The following AK2 variants were observed in gnomAD, a reference collection of about 807,000 sequenced individuals.
AK2 encodes the protein adenylate kinase 2, also known as adenylate kinase 2, mitochondrial.
In AK2, 15 loss-of-function variants were observed where a neutral mutation model predicts 24.6. That is an observed-to-expected ratio of 0.61 (90% CI 0.41 to 0.94). The LOEUF (loss-of-function observed/expected upper bound fraction) is 0.94. AK2 is among the 40% of genes least tolerant of loss of function. The pLI is 0.00. For missense variants in AK2, 257 were observed against 304.1 expected (o/e 0.85, Z 1.15); for synonymous variants, 102 against 114.0 (o/e 0.90, Z 0.67).
intron 4 of AK2, among the ~76,000 whole-genome samples, chr1:33,014,801 A>G (rs1639078448): frequency 6.6e-6 from 1 of 152,218 alleles, no homozygotes; most frequent in Admixed American, 6.5e-5. Context: ...AAACATTATT[A>G]TGAGTATCTG....
intron 1 of AK2, chr1:33,032,500 C>T (rs1207400970): frequency 6.6e-6 from 1 of 152,104 alleles, no homozygotes; most frequent in Non-Finnish European, 1.5e-5. Context: ...CACGGGGTAA[C>T]GAAACAGTAG....
chr1:33,035,519 G>A (rs1569763441), intron 1 of AK2, among the ~76,000 whole-genome samples: 2 of 152,298 alleles, frequency 1.3e-5, no homozygotes, highest in African/African-American at 4.8e-5. Flanking sequence ...TCATTTGGGA[G>A]CTCAGACTTC....
rs1424196568 is a variant in AK2 at position 33,008,382 on chromosome 1, T to C, written c.*4799A>G. 4.4e-6 allele frequency: 2 copies of C among 454,106 alleles called. No homozygotes were observed. Among genetic ancestry groups the C allele is most frequent in the East Asian group, 1.4e-4 (2 of 14,396 alleles). The allele number at this position is 454,106 out of a possible 1,614,324, so 28.1% of individuals were successfully genotyped here. The stretch of plus-strand genomic sequence containing the variant: ...CTTGTGAGGCTTCTGAGGAGGCTGC[T>C]CTCCATCCTGCTGTGTTCTGTCAGT... On this transcript the variant is annotated 3_prime_UTR_variant, in exon 6 of 6. Coordinates refer to ENST00000672715, the MANE Select transcript of AK2 (RefSeq NM_001625.4).
intron 1 of AK2, chr1:33,031,557 T>G (rs115480196): frequency 0.01 from 4,711 of 455,924 alleles, 40 homozygotes; most frequent in Middle Eastern, 0.022. Flanking sequence ...GGGCAGTAGA[T>G]AGCAGCAGAA....
At position 33,008,965 on chromosome 1, in the gene AK2, G is replaced by C; in HGVS notation, c.*4216C>G. ...GACAAACATTTCCCCACAATTAGAT[G>C]CATGATGACCAAGGGAGGAAAGAAA... On this transcript the variant is annotated 3_prime_UTR_variant, in exon 6 of 6. Coordinates refer to ENST00000672715, the MANE Select transcript of AK2 (RefSeq NM_001625.4). The C allele has an allele frequency of 2.2e-6, 1 of 454,082 alleles. No homozygotes were observed. The highest frequency in any genetic ancestry group is 4.4e-6 in the Non-Finnish European group (1 of 226,794). 28.1% of individuals were successfully genotyped at this position (454,082 alleles called of 1,614,324 possible). A position where few individuals can be genotyped will look rare whatever the true frequency, so the allele number is the denominator to read the frequency against.
At chr1:33,031,605 G>A (rs1247674593) in intron 1 of AK2, 1 of 456,074 alleles carries the variant, frequency 2.2e-6, no homozygotes, top group East Asian at 6.9e-5. Context: ...TGCAAGCTCT[G>A]TAAATTACTT....
At position 33,012,687 on chromosome 1, in the gene AK2, A is replaced by G. The variant is rs1638901241; in HGVS notation, c.*494T>C. ...CAAGGTGGGTGGATTGCTTAAGCCT[A>G]GGAGTTCAAGACCAGCCTGGGCAAC... On this transcript the variant is annotated 3_prime_UTR_variant, in exon 6 of 6. Coordinates refer to ENST00000672715, the MANE Select transcript of AK2 (RefSeq NM_001625.4). 1 of 1,224,478 alleles carries G rather than the reference A, an allele frequency of 8.2e-7. No individual in the cohort carries two copies. Among genetic ancestry groups the G allele is most frequent in the Non-Finnish European group, 1.1e-6 (1 of 932,114 alleles). 75.9% of individuals were successfully genotyped at this position (1,224,478 alleles called of 1,614,324 possible). A position where few individuals can be genotyped will look rare whatever the true frequency, so the allele number is the denominator to read the frequency against.
chr1:33,030,243 T>C (rs1344508598), intron 1 of AK2, among the ~76,000 whole-genome samples: 1 of 152,196 alleles, frequency 6.6e-6, no homozygotes, highest in Non-Finnish European at 1.5e-5. Context: ...GCCTTTTCTG[T>C]AGTATACTTC....
chr1:33,012,379 G>A lies in AK2; in HGVS notation c.*802C>T. 6.6e-7 allele frequency: 1 copy of A among 1,520,312 alleles called. No homozygotes were observed. The allele number at this position is 1,520,312 out of a possible 1,614,324, so 94.2% of individuals were successfully genotyped here. On this transcript the variant is annotated 3_prime_UTR_variant, in exon 6 of 6. Coordinates refer to ENST00000672715, the MANE Select transcript of AK2 (RefSeq NM_001625.4). ...AATTAATGATCCCTGTTCACACACTGACTCACGTGGGTTTTCATCATGGGT... is the reference window on the plus strand; with the variant it reads ...AATTAATGATCCCTGTTCACACACTAACTCACGTGGGTTTTCATCATGGGT...
intron 1 of AK2, among the ~76,000 whole-genome samples, chr1:33,030,250 C>T (rs1640156030): frequency 6.6e-6 from 1 of 152,198 alleles, no homozygotes; most frequent in Non-Finnish European, 1.5e-5. Context: ...CTGTAGTATA[C>T]TTCTGAGTAC....
chr1:33,024,225 G>A (rs1013027668), intron 2 of AK2: 9 of 640,748 alleles, frequency 1.4e-5, no homozygotes, highest in Non-Finnish European at 2.5e-5. Flanking sequence ...ACACCCTCTA[G>A]CACATGGTTG....
rs888167123 is a variant in AK2, at chr1:33,008,329, C to T, written c.*4852G>A. The T allele has an allele frequency of 1.1e-5, 5 of 453,934 alleles. No individual in the cohort carries two copies. The highest frequency in any genetic ancestry group is 7.0e-5 in the Admixed American group (3 of 42,554). The allele number at this position is 453,934 out of a possible 1,614,324, so 28.1% of individuals were successfully genotyped here. ...CGCTGTTGAAATCTGTCTTCTGACTCGTTGCTCTGTCTTCATCTGAGGAAA... is the reference window on the plus strand; with the variant it reads ...CGCTGTTGAAATCTGTCTTCTGACTTGTTGCTCTGTCTTCATCTGAGGAAA... On this transcript the variant is annotated 3_prime_UTR_variant, in exon 6 of 6. Transcript: ENST00000672715.
At position 33,036,780 on chromosome 1, in the gene AK2, G is replaced by C. The variant is rs138577419; in HGVS notation, c.49C>G (p.Arg17Gly). 2,876 of 1,599,818 alleles carry C rather than the reference G, an allele frequency of 1.8e-3. 6 individuals carry two copies. The highest frequency in any genetic ancestry group is 2.3e-3 in the Non-Finnish European group (2,730 of 1,173,752). ...AAEPEYPKGIRAVLLGPPGAG... is the reference protein window; with the variant it reads ...AAEPEYPKGIGAVLLGPPGAG... ...CCGGGAGGCCCCAGCAGCACGGCCC[G>C]GATGCCTTTAGGATACTCGGGTTCT... The change falls in exon 1 of 6, where the codon CGG (arginine) becomes GGG (glycine). Residue 17 changes from arginine to glycine, a missense_variant. Physicochemically the swap from Arg to Gly is moderately radical, Grantham distance 125. Transcript: ENST00000672715.
At position 33,033,159 on chromosome 1, in the gene AK2, C is replaced by CAAA. The variant is rs535373703; in HGVS notation, c.93+3574_93+3576dup. ...TGGGCAACAGAGCGAGACTCTGTCT[C>CAAA]AAAAAAAAAAAAAAGAAAAGAAAAA... On this transcript the variant is annotated intron_variant, in intron 1 of 5. Coordinates refer to ENST00000672715, the MANE Select transcript of AK2 (RefSeq NM_001625.4). Among the ~76,000 whole-genome samples, 5 of 88,662 alleles carry CAAA rather than the reference C, an allele frequency of 5.6e-5. No homozygotes were observed. In the East Asian group the frequency reaches 1.3e-3, roughly 22 times the overall value. 58.2% of individuals were successfully genotyped at this position (88,662 alleles called of 152,430 possible). A position where few individuals can be genotyped will look rare whatever the true frequency, so the allele number is the denominator to read the frequency against.
chr1:33,020,365 G>A (rs1639461370), intron 4 of AK2, among the ~76,000 whole-genome samples: 1 of 152,192 alleles, frequency 6.6e-6, no homozygotes, highest in Admixed American at 6.5e-5. Flanking sequence ...GCACTAAAAT[G>A]GAGGAGATAC....
At chr1:33,036,691 T>C (rs968719330) in intron 1 of AK2, 45 bp downstream of exon 1, 44 of 1,523,100 alleles carry the variant, frequency 2.9e-5, no homozygotes, top group Non-Finnish European at 3.7e-5. Flanking sequence ...GCCTTGACCT[T>C]GGAGTTCAGC....
intron 1 of AK2, among the ~76,000 whole-genome samples, chr1:33,035,795 G>C (rs1258078166): frequency 6.6e-6 from 1 of 152,112 alleles, no homozygotes; most frequent in African/African-American, 2.4e-5. Flanking sequence ...TCAGGCTCAT[G>C]AAACTCATTT....
Position 33,012,667 on chromosome 1 carries a change from T to G in AK2, c.*514A>C, listed in dbSNP as rs1487011172. ...ATCCTGGCACTTCAGGAGGCCAAGG[T>G]GGGTGGATTGCTTAAGCCTAGGAGT... On this transcript the variant is annotated 3_prime_UTR_variant, in exon 6 of 6. Coordinates refer to ENST00000672715, the MANE Select transcript of AK2 (RefSeq NM_001625.4). The G allele has an allele frequency of 7.9e-7, 1 of 1,268,542 alleles. No homozygotes were observed. The highest frequency in any genetic ancestry group is 1.0e-6 in the Non-Finnish European group (1 of 972,150). 78.6% of individuals were successfully genotyped at this position (1,268,542 alleles called of 1,614,324 possible).
chr1:33,021,081 G>A (rs1392718216), intron 4 of AK2, among the ~76,000 whole-genome samples: 2 of 151,866 alleles, frequency 1.3e-5, no homozygotes, highest in Non-Finnish European at 2.9e-5. Flanking sequence ...AGGAAGTGGA[G>A]GTTGCAGTGA....
Sources: gnomAD v4.1 joint callset for allele counts (sites outside exome capture counted in the v4.1 genomes callset) on GRCh38, gnomAD v4.1.1 for gene constraint, MANE v1.5 for transcripts, NCBI Gene and HGNC (gene_info 2026-07-23, HGNC 2026-07-21) for gene names.